SPAG5: variants seen among roughly 807,000 people sequenced by gnomAD.
The protein encoded by SPAG5 is sperm associated antigen 5, also known as sperm-associated antigen 5.
SPAG5 carries 99 observed loss-of-function variants against 145.4 expected under a neutral mutation model. That is an observed-to-expected ratio of 0.68 (90% confidence interval 0.58 to 0.80). The LOEUF is 0.80. SPAG5 is among the 30% of genes least tolerant of loss of function. SPAG5 has a pLI of 0.00. For synonymous variants in SPAG5, 477 were observed against 525.4 expected (o/e 0.91, Z 1.26); for missense variants, 1,192 against 1,416.0 (o/e 0.84, Z 2.54).
chr17:28,585,776 C>T, intron 7 of SPAG5, 88 bp downstream of exon 7: 1 of 1,607,834 alleles, frequency 6.2e-7, no homozygotes, highest in Non-Finnish European at 8.5e-7. Context: ...CTTAGGCCAC[C>T]CATCTGTGTC....
In SPAG5 at chr17:28,586,137, G is replaced by C. The variant is rs2070584223; in HGVS notation, c.1558C>G (p.Leu520Val). ...ISKELISLLH[L>V]SLLHLEEDKT... ...TCTTCTTCTAAATGCAACAGGGATA[G>C]GTGAAGCAAGGATATCAGCTCTTTA... Residue 520 changes from leucine to valine, a missense_variant, in exon 6 of 24, where the codon CTA becomes GTA. This residue lies in a region of SPAG5 where 709 missense variants were observed against 840.7 expected (regional missense o/e 0.84). Coordinates refer to ENST00000321765, the MANE Select transcript of SPAG5 (RefSeq NM_006461.4). The C allele has an allele frequency of 6.2e-7, 1 of 1,614,148 alleles. No individual in the cohort carries two copies. Among genetic ancestry groups the C allele is most frequent in the Non-Finnish European group, 8.5e-7 (1 of 1,180,012 alleles).
At chr17:28,595,006 T>C (rs1388539474) in intron 2 of SPAG5, among the ~76,000 whole-genome samples, 1 of 151,926 alleles carries the variant, frequency 6.6e-6, no homozygotes, top group East Asian at 1.9e-4. Context: ...ACACCTGTAA[T>C]CCCAGCACTT....
At position 28,598,918 on chromosome 17, in the gene SPAG5, C is replaced by T; in HGVS notation, c.29G>A (p.Ser10Asn). Residue 10 changes from serine to asparagine, a missense_variant, in exon 1 of 24, where the codon AGC (serine) becomes AAC (asparagine). This residue lies in a region of SPAG5 where 329 missense variants were observed against 354.0 expected (regional missense o/e 0.93). Transcript: ENST00000321765. Reference sequence around the variant, plus strand: ...TACCGTCTGGGGCGAAGGCGACAGGCTGAGGCTCAGTTTTTTCACTCGCCA... The same window carrying T: ...TACCGTCTGGGGCGAAGGCGACAGGTTGAGGCTCAGTTTTTTCACTCGCCA... MWRVKKLSL[S>N]LSPSPQTGKP... 1 of 1,614,086 alleles carries T rather than the reference C, an allele frequency of 6.2e-7. No homozygotes were observed. The highest frequency in any genetic ancestry group is 8.5e-7 in the Non-Finnish European group (1 of 1,180,020).
chr17:28,597,616 G>A (rs1405128475), intron 2 of SPAG5, among the ~76,000 whole-genome samples: 2 of 152,146 alleles, frequency 1.3e-5, no homozygotes, highest in East Asian at 3.8e-4. Context: ...TGTTACTCAG[G>A]ATGTCATCTG....
chr17:28,587,684 C>G (rs2151521486), intron 4 of SPAG5, among the ~76,000 whole-genome samples: 1 of 142,344 alleles, frequency 7.0e-6, no homozygotes, highest in South Asian at 2.2e-4. Flanking sequence ...TGCCACTGCA[C>G]TCCAGTGTGG....
intron 4 of SPAG5, among the ~76,000 whole-genome samples, chr17:28,591,037 A>G (rs2070617862): frequency 6.6e-6 from 1 of 152,152 alleles, no homozygotes; most frequent in South Asian, 2.1e-4. Context: ...CCATGAATAT[A>G]TTTACCTAAC....
At position 28,579,268 on chromosome 17, in the gene SPAG5, AT is replaced by A; in HGVS notation, c.3006-17del. The A allele has an allele frequency of 6.2e-7, 1 of 1,614,016 alleles. No homozygotes were observed. The highest frequency in any genetic ancestry group is 8.5e-7 in the Non-Finnish European group (1 of 1,179,860). On this transcript the variant is annotated splice_polypyrimidine_tract_variant and intron_variant, in intron 18 of 23. Coordinates refer to ENST00000321765, the MANE Select transcript of SPAG5 (RefSeq NM_006461.4). ...CAGCTCACAACTGAAGGAAGGAAGA[AT>A]TTAGCAACATTCCTGTCCTCTCAGG... is the stretch of plus-strand genomic sequence containing the variant.
intron 2 of SPAG5, among the ~76,000 whole-genome samples, chr17:28,593,827 A>C (rs1271817257): frequency 2.6e-5 from 4 of 152,154 alleles, no homozygotes; most frequent in Non-Finnish European, 5.9e-5. Flanking sequence ...ACGAGTACTT[A>C]AGCTTTAACT....
rs2070586498 is a variant in SPAG5, at chr17:28,586,500, C to T, written c.1438-1G>A. The T allele has an allele frequency of 6.2e-7, 1 of 1,612,030 alleles. No individual in the cohort carries two copies. Among genetic ancestry groups the T allele is most frequent in the African/African-American group, 1.3e-5 (1 of 74,868 alleles). On this transcript the variant is annotated splice_acceptor_variant, in intron 4 of 23. Coordinates refer to ENST00000321765, the MANE Select transcript of SPAG5 (RefSeq NM_006461.4). LOFTEE classifies it high-confidence loss of function. Reference sequence around the variant, plus strand: ...TAAGATGCTGAAGTTTATTAGTTATCTAGCCAGAAAAACAGAGTTGTTCCT... The same window carrying T: ...TAAGATGCTGAAGTTTATTAGTTATTTAGCCAGAAAAACAGAGTTGTTCCT...
intron 14 of SPAG5, 51 bp from the exon 15 acceptor site, chr17:28,583,700 A>T (rs745760613): frequency 1.3e-5 from 20 of 1,561,328 alleles, no homozygotes; most frequent in Middle Eastern, 3.5e-4. Flanking sequence ...CCTTCTCTGA[A>T]CGCCTATCCC....
intron 4 of SPAG5, among the ~76,000 whole-genome samples, chr17:28,587,230 A>C (rs1269261200): frequency 1.3e-5 from 2 of 150,086 alleles, no homozygotes; most frequent in Non-Finnish European, 3.0e-5. Flanking sequence ...CCTGGGCAAC[A>C]CAGTGAAACC....
chr17:28,592,172 T>A lies in SPAG5; in HGVS notation c.1072A>T (p.Asn358Tyr), dbSNP rs113671260. The change falls in exon 3 of 24, where the codon AAT becomes TAT. Residue 358 changes from asparagine to tyrosine, a missense_variant. Physicochemically the swap from Asn to Tyr is moderately radical, Grantham distance 143 (BLOSUM62 -2). This residue lies in a region of SPAG5 where 125 missense variants were observed against 143.8 expected (regional missense o/e 0.87). Transcript: ENST00000321765. ...GGAAGGGATAAGCTTTGGCGGAGAT[T>A]TTCCAGCATGACGGAGGTATTTACA... ...KGVNTSVMLENLRQSLSLPSM... is the reference protein window; with the variant it reads ...KGVNTSVMLEYLRQSLSLPSM... The A allele has an allele frequency of 3.1e-6, 5 of 1,613,914 alleles. No individual in the cohort carries two copies. In the African/African-American group the frequency reaches 5.3e-5, roughly 17 times the overall value.
intron 6 of SPAG5, 42 bp from the exon 7 acceptor site, chr17:28,586,040 T>C: frequency 6.2e-7 from 1 of 1,614,180 alleles, no homozygotes; most frequent in South Asian, 1.1e-5. Context: ...TTCCTCTTTA[T>C]GGCTTTTAGT....
At position 28,585,547 on chromosome 17, in the gene SPAG5, G is replaced by A. The variant is rs1486376847; in HGVS notation, c.1847C>T (p.Ala616Val). ...CCCTTAAATTACCAGTTGGGTCTGG[G>A]CATCCTTCAGAAGGCCTCTGAATTC... Reference protein sequence around the residue: ...MREFRGLLKDAQTQLVGLHAK... With the variant: ...MREFRGLLKDVQTQLVGLHAK... The change falls in exon 8 of 24, where the codon GCC becomes GTC. Residue 616 changes from alanine to valine, a missense_variant. Ala to Val is a moderately conservative substitution (Grantham distance 64). Coordinates refer to ENST00000321765, the MANE Select transcript of SPAG5 (RefSeq NM_006461.4). 6.2e-7 allele frequency: 1 copy of A among 1,613,876 alleles called. No homozygotes were observed. Among genetic ancestry groups the A allele is most frequent in the Non-Finnish European group, 8.5e-7 (1 of 1,180,042 alleles).
intron 3 of SPAG5, 52 bp downstream of exon 3, chr17:28,591,930 G>A: frequency 1.2e-5 from 20 of 1,609,140 alleles, no homozygotes; most frequent in Non-Finnish European, 1.7e-5. Flanking sequence ...GATGGGAGGG[G>A]AAGGTCCAGG....
chr17:28,579,242 G>A lies in SPAG5; in HGVS notation c.3016C>T (p.Gln1006Ter). ...RTLQRKICELQARLQAQEEQH... is the reference protein window; with the variant it reads ...RTLQRKICEL ...TCTTCCTGGGCCTGCAGCCTAGCTT[G>A]CAGCTCACAACTGAAGGAAGGAAGA... Residue 1006 changes from glutamine (Q) to a stop codon, truncating the protein, a stop_gained, in exon 19 of 24, where the codon CAA becomes TAA. Coordinates refer to ENST00000321765, the MANE Select transcript of SPAG5 (RefSeq NM_006461.4). LOFTEE classifies it high-confidence loss of function. 4 of 1,614,148 alleles carry A rather than the reference G, an allele frequency of 2.5e-6. No individual in the cohort carries two copies. The highest frequency in any genetic ancestry group is 3.4e-6 in the Non-Finnish European group (4 of 1,180,016).
In SPAG5 at chr17:28,577,679, A is replaced by C. The variant is rs745936896; in HGVS notation, c.*20T>G. 3 of 1,595,668 alleles carry C rather than the reference A, an allele frequency of 1.9e-6. No homozygotes were observed. Among genetic ancestry groups the C allele is most frequent in the East Asian group, 4.5e-5 (2 of 44,784 alleles). ...TATTGCAGGTAAAAAGAGGTGAAGC[A>C]GATTCTGGCTTTCAGTTTCTTAGCT... is the stretch of plus-strand genomic sequence containing the variant. On this transcript the variant is annotated 3_prime_UTR_variant, in exon 24 of 24. Coordinates refer to ENST00000321765, the MANE Select transcript of SPAG5 (RefSeq NM_006461.4).
At chr17:28,586,544 G>A in intron 4 of SPAG5, 45 bp from the exon 5 acceptor site, 2 of 1,502,354 alleles carry the variant, frequency 1.3e-6, no homozygotes, top group African/African-American at 1.4e-5. Context: ...TTGTTTGTTT[G>A]TTTTTGAGAC....
At chr17:28,588,685 T>C (rs1285930227) in intron 4 of SPAG5, among the ~76,000 whole-genome samples, 1 of 151,604 alleles carries the variant, frequency 6.6e-6, no homozygotes, top group Non-Finnish European at 1.5e-5. Flanking sequence ...CTCTAGAACA[T>C]TGTTGTTGTT....
Sources: gnomAD v4.1 joint callset for allele counts (sites outside exome capture counted in the v4.1 genomes callset) on GRCh38, gnomAD v4.1.1 for gene constraint, gnomAD v4.1.1 regional missense constraint, MANE v1.5 for transcripts, NCBI Gene and HGNC (gene_info 2026-07-23, HGNC 2026-07-21) for gene names.